The following SLC5A10 variants were observed in gnomAD, a reference collection of about 807,000 sequenced individuals.
SLC5A10 encodes solute carrier family 5 member 10, also known as sodium/mannose cotransporter SLC5A10.
In SLC5A10, 55 loss-of-function variants were observed where a neutral mutation model predicts 68.9. The observed-to-expected ratio is 0.80, with a 90% CI of 0.64 to 1.00. SLC5A10 has a LOEUF of 1.00. Ranked by LOEUF, SLC5A10 falls within the 50% of genes least tolerant of loss-of-function variation. The probability of loss-of-function intolerance (pLI) is 0.00; values close to 1 mark genes in which losing one functional copy is unlikely to be tolerated. For synonymous variants in SLC5A10, 344 were observed against 344.8 expected (o/e 1.00, Z 0.02); for missense variants, 732 against 819.3 (o/e 0.89, Z 1.30).
intron 5 of SLC5A10, among the ~76,000 whole-genome samples, chr17:18,964,338 ACTC>A (rs1361775726): frequency 6.6e-6 from 1 of 151,496 alleles, no homozygotes; most frequent in Non-Finnish European, 1.5e-5. Context: ...CTCTGTCCTC[ACTC>A]CTCAACTCTG....
intron 1 of SLC5A10, among the ~76,000 whole-genome samples, chr17:18,956,335 C>T (rs1431682021): frequency 6.6e-6 from 1 of 151,688 alleles, no homozygotes; most frequent in Admixed American, 6.6e-5. Context: ...AAGAAAGAGA[C>T]CTGCATATTG....
rs1049194322 is a variant in SLC5A10 at position 19,020,770 on chromosome 17, G to A, written c.*339G>A. The A allele has an allele frequency of 2.1e-5, 7 of 329,524 alleles. No individual in the cohort carries two copies. In the East Asian group the frequency reaches 5.1e-4, roughly 24 times the overall value. The allele number at this position is 329,524 out of a possible 1,614,324, so 20.4% of individuals were successfully genotyped here. A position where few individuals can be genotyped will look rare whatever the true frequency, so the allele number is the denominator to read the frequency against. On this transcript the variant is annotated 3_prime_UTR_variant, in exon 15 of 15. Transcript: ENST00000395645. ...GATTTGCCAGCACTCAGGGTTCTAA[G>A]GGTCTTGGGCCAGCTCTGGATGGAG...
chr17:18,956,462 T>C (rs1157001305), intron 1 of SLC5A10, among the ~76,000 whole-genome samples: 1 of 144,296 alleles, frequency 6.9e-6, no homozygotes, highest in African/African-American at 2.7e-5. Flanking sequence ...CTTTTTTCTT[T>C]CTGTTTTTTT....
intron 5 of SLC5A10, among the ~76,000 whole-genome samples, chr17:18,961,773 A>G (rs1597818769): frequency 6.6e-6 from 1 of 152,044 alleles, no homozygotes; most frequent in South Asian, 2.1e-4. Flanking sequence ...GGTCTCATGC[A>G]GCATCTGACC....
intron 8 of SLC5A10, among the ~76,000 whole-genome samples, chr17:18,972,361 G>A (rs904077402): frequency 8.5e-5 from 13 of 152,194 alleles, no homozygotes; most frequent in African/African-American, 2.7e-4. Flanking sequence ...CGATCACAGC[G>A]CTCACACAAG....
In SLC5A10 at chr17:18,960,965, G is replaced by A. The variant is rs138778278; in HGVS notation, c.453+313G>A. 1.9e-4 allele frequency among the ~76,000 whole-genome samples: 29 copies of A among 152,270 alleles called. 1 individual carries two copies. The East Asian group carries it at 2.1e-3, about 11-fold the overall frequency. ...TCGGTCTGAGGTCAGTTCTGGGGCC[G>A]GCACCGGGGTGAGCCACGATCTCCC... On this transcript the variant is annotated intron_variant, in intron 5 of 14. Transcript: ENST00000395645.
chr17:19,015,153 C>A lies in SLC5A10; in HGVS notation c.1195C>A (p.Arg399=). The A allele has an allele frequency of 1.5e-6, 2 of 1,360,720 alleles. No homozygotes were observed. Among genetic ancestry groups the A allele is most frequent in the Non-Finnish European group, 2.0e-6 (2 of 1,015,490 alleles). 84.3% of individuals were successfully genotyped at this position (1,360,720 alleles called of 1,614,324 possible). Residue 399 remains arginine, a synonymous_variant, in exon 11 of 15, where the codon CGG becomes AGG. Coordinates refer to ENST00000395645, the MANE Select transcript of SLC5A10 (RefSeq NM_001042450.4). ...CCTCTTCACTATGGACATCTGGAGG[C>A]GGCTGCGTCCCCGCTCCGGCGAGCG... ...STLFTMDIWR[R]LRPRSGEREL... is the part of the protein sequence containing the mutation.
chr17:18,979,694 C>A (rs2043080831), intron 9 of SLC5A10: 1 of 1,612,280 alleles, frequency 6.2e-7, no homozygotes, highest in Non-Finnish European at 8.5e-7. Flanking sequence ...AACCAAGAGA[C>A]AGAATTACAC....
chr17:19,014,776 T>C (rs1325129717), intron 10 of SLC5A10, among the ~76,000 whole-genome samples: 1 of 152,088 alleles, frequency 6.6e-6, no homozygotes, highest in African/African-American at 2.4e-5. Context: ...GCCTCAGCAT[T>C]ATGAGTAATT....
At chr17:18,977,347 T>G in intron 9 of SLC5A10, 1 of 588,632 alleles carries the variant, frequency 1.7e-6, no homozygotes, top group African/African-American at 1.9e-5. Flanking sequence ...AACGTGCATT[T>G]TCTTAGGTTG....
Position 19,000,498 on chromosome 17 carries a change from A to AG in SLC5A10, c.983-12906dup, listed in dbSNP as rs2043703427. 6.6e-6 allele frequency among the ~76,000 whole-genome samples: 1 copy of AG among 152,134 alleles called. No individual in the cohort carries two copies. Among genetic ancestry groups the AG allele is most frequent in the Admixed American group, 6.5e-5 (1 of 15,284 alleles). On this transcript the variant is annotated intron_variant, in intron 9 of 14. Transcript: ENST00000395645. The surrounding 1 kb of genome is among the most constrained non-coding windows in gnomAD (Gnocchi z 5.2). ...AGTTCCATTCTAGTCATTTGGGAAC[A>AG]GGGGGGACTGACAGCAGTCCTGACA...
chr17:19,010,854 A>G (rs2043998693), intron 9 of SLC5A10, among the ~76,000 whole-genome samples: 1 of 152,142 alleles, frequency 6.6e-6, no homozygotes, highest in South Asian at 2.1e-4. Flanking sequence ...CAGGCAAGTT[A>G]TGTCCTTTCT....
intron 5 of SLC5A10, among the ~76,000 whole-genome samples, chr17:18,962,204 T>C (rs1223532137): frequency 6.6e-6 from 1 of 151,720 alleles, no homozygotes; most frequent in Non-Finnish European, 1.5e-5. Flanking sequence ...TGGTGAGAAA[T>C]AGATGGATGC....
chr17:18,971,221 G>A lies in SLC5A10; in HGVS notation c.846+3G>A. Reference sequence around the variant, plus strand: ...CCTGGTACTGGTGCACCGACCAGGTGAGTGCCAACGTCTCCCGCCCATCCC... The same window carrying A: ...CCTGGTACTGGTGCACCGACCAGGTAAGTGCCAACGTCTCCCGCCCATCCC... On this transcript the variant is annotated splice_donor_region_variant and intron_variant, in intron 8 of 14. Transcript: ENST00000395645. The surrounding 1 kb of genome is among the most constrained non-coding windows in gnomAD (Gnocchi z 5.5). The A allele has an allele frequency of 2.5e-6, 4 of 1,613,794 alleles. No individual in the cohort carries two copies. The highest frequency in any genetic ancestry group is 1.1e-5 in the South Asian group (1 of 91,084).
chr17:19,001,863 A>G (rs73982609), intron 9 of SLC5A10, among the ~76,000 whole-genome samples: 9,675 of 152,198 alleles, frequency 0.064, 1,020 homozygotes, highest in African/African-American at 0.22. Flanking sequence ...TGTCGCTGAC[A>G]AGGAGGGGAG....
chr17:18,997,073 C>T (rs1052612792), intron 9 of SLC5A10, among the ~76,000 whole-genome samples: 1 of 152,246 alleles, frequency 6.6e-6, no homozygotes, highest in African/African-American at 2.4e-5. Flanking sequence ...CACCCTCTGA[C>T]TATTAAGGCT....
In SLC5A10 at chr17:18,952,253, G is replaced by A. The variant is rs2042381350; in HGVS notation, c.48G>A (p.Leu16=). Residue 16 remains leucine, a synonymous_variant, in exon 1 of 15, where the codon CTG becomes CTA. Transcript: ENST00000395645. ...TSDLHTPGTQ[L]SVADIIVITV... ...ACCTCCACACTCCCGGGACGCAGCT[G>A]AGCGTGGCTGACATCATCGTCATCA... The A allele has an allele frequency of 6.2e-7, 1 of 1,613,862 alleles. No individual in the cohort carries two copies. The highest frequency in any genetic ancestry group is 1.7e-5 in the Admixed American group (1 of 59,978).
Position 18,959,191 on chromosome 17 carries a change from G to C in SLC5A10, c.240G>C (p.Ala80=). ...SEGSGLFIGL[A]GSGAAGGLAV... ...GCTCTGGCCTCTTCATTGGACTGGC[G>C]GGCTCAGGCGCGGCAGGAGGTCTGG... The change falls in exon 3 of 15, where the codon GCG becomes GCC. Residue 80 remains alanine, a synonymous_variant. Coordinates refer to ENST00000395645, the MANE Select transcript of SLC5A10 (RefSeq NM_001042450.4). 1 of 1,613,566 alleles carries C rather than the reference G, an allele frequency of 6.2e-7. No homozygotes were observed. The highest frequency in any genetic ancestry group is 1.1e-5 in the South Asian group (1 of 91,080).
At chr17:19,012,904 A>G (rs566971369) in intron 9 of SLC5A10, among the ~76,000 whole-genome samples, 4 of 152,350 alleles carry the variant, frequency 2.6e-5, no homozygotes, top group African/African-American at 9.6e-5. Flanking sequence ...GCCCTGCTGC[A>G]TGAGCTGCAG....
Sources: allele counts gnomAD v4.1 joint callset (sites outside exome capture counted in the v4.1 genomes callset), GRCh38; gene constraint gnomAD v4.1.1; non-coding constraint Gnocchi (gnomAD v3.1); transcripts MANE v1.5; gene names NCBI Gene and HGNC (gene_info 2026-07-23, HGNC 2026-07-21).